The following ATP2C2 variants were observed in gnomAD, a reference collection of about 807,000 sequenced individuals.
The protein encoded by ATP2C2 is ATPase secretory pathway Ca2+ transporting 2, also known as calcium-transporting ATPase type 2C member 2.
A neutral mutation model predicts 110.8 loss-of-function variants in ATP2C2; 171 were observed. The observed-to-expected ratio is 1.54, with a 90% CI of 1.36 to 1.75. The LOEUF (loss-of-function observed/expected upper bound fraction) is 1.75, where lower values mean the gene tolerates loss of function less well. Among genes scored for constraint, ATP2C2 ranks in the 40% most tolerant of loss-of-function variants. ATP2C2 has a pLI of 0.00. For missense variants in ATP2C2, 1,963 were observed against 1,235.0 expected, an observed-to-expected ratio of 1.59 and a Z score of -8.84; for synonymous variants, 804 against 508.4, an observed-to-expected ratio of 1.58 and a Z score of -7.82.
At chr16:84,370,346 T>C (rs1346157312) in intron 1 of ATP2C2, among the ~76,000 whole-genome samples, 1 of 152,200 alleles carries the variant, frequency 6.6e-6, no homozygotes, top group Non-Finnish European at 1.5e-5. Flanking sequence ...ATGGGCAGTG[T>C]GCAGCGCCAG....
intron 11 of ATP2C2, among the ~76,000 whole-genome samples, chr16:84,427,826 G>A (rs562239088): frequency 2.0e-5 from 3 of 152,258 alleles, no homozygotes; most frequent in African/African-American, 4.8e-5. Flanking sequence ...CAGTTATGGG[G>A]TTTCCTTCGG....
At chr16:84,462,333 G>A (rs1213328791) in intron 26 of ATP2C2, 2 of 641,462 alleles carry the variant, frequency 3.1e-6, no homozygotes, top group African/African-American at 1.8e-5. Context: ...AAACCCCTAG[G>A]AAGAGGCCTG....
chr16:84,439,176 G>A lies in ATP2C2; in HGVS notation c.997G>A (p.Ala333Thr), dbSNP rs771241885. The change falls in exon 12 of 27, where the codon GCG (alanine) becomes ACG (threonine). Residue 333 changes from alanine to threonine, a missense_variant. Transcript: ENST00000262429. ...GACCTTTCGATCCAGCCTGGCTGTG[G>A]CGGCCATTCCAGAGGGTCTGCCCAT... ...MFTIGVSLAV[A>T]AIPEGLPIVV... 2 of 1,612,160 alleles carry A rather than the reference G, an allele frequency of 1.2e-6. No individual in the cohort carries two copies. Among genetic ancestry groups the A allele is most frequent in the Admixed American group, 3.3e-5 (2 of 60,010 alleles).
chr16:84,437,589 C>G (rs915063005), intron 11 of ATP2C2, among the ~76,000 whole-genome samples: 6 of 152,160 alleles, frequency 3.9e-5, no homozygotes, highest in Non-Finnish European at 7.3e-5. Flanking sequence ...AGTCTCGGTT[C>G]ACTGCAACCT....
chr16:84,459,564 G>A (rs774071589), intron 23 of ATP2C2, 178 bp downstream of exon 23: 1 of 1,536,952 alleles, frequency 6.5e-7, no homozygotes, highest in Non-Finnish European at 8.7e-7. Context: ...AGAAGGCAGA[G>A]GAGAAAGTAC....
intron 15 of ATP2C2, among the ~76,000 whole-genome samples, chr16:84,445,004 A>T (rs1313917585): frequency 6.6e-6 from 1 of 152,120 alleles, no homozygotes; most frequent in Non-Finnish European, 1.5e-5. Context: ...ATTTAGTGTA[A>T]CCAAAACACA....
Position 84,453,147 on chromosome 16 carries a change from T to A in ATP2C2, c.1841T>A (p.Ile614Asn), listed in dbSNP as rs1408212060. The A allele has an allele frequency of 6.2e-7, 1 of 1,611,622 alleles. No individual in the cohort carries two copies. Among genetic ancestry groups the A allele is most frequent in the Non-Finnish European group, 8.5e-7 (1 of 1,178,792 alleles). ...LETALAIGRN[I>N]GLCNGKLQAM... ...ACAGGTTCTTCTGAAGGAAGAAACATCGGCCTGTGCAACGGGAAGCTGCAA... is the reference window on the plus strand; with the variant it reads ...ACAGGTTCTTCTGAAGGAAGAAACAACGGCCTGTGCAACGGGAAGCTGCAA... The change falls in exon 19 of 27, where the codon ATC (isoleucine) becomes AAC (asparagine). Residue 614 changes from isoleucine (I) to asparagine (N), a missense_variant. By Grantham distance (149) the Ile-to-Asn change is moderately radical (BLOSUM62 -3). Coordinates refer to ENST00000262429, the MANE Select transcript of ATP2C2 (RefSeq NM_014861.4).
chr16:84,448,593 A>T lies in ATP2C2; in HGVS notation c.1564A>T (p.Met522Leu). The T allele has an allele frequency of 6.2e-7, 1 of 1,614,102 alleles. No individual in the cohort carries two copies. Residue 522 changes from methionine (M) to leucine (L), a missense_variant, in exon 17 of 27, where the codon ATG becomes TTG. Transcript: ENST00000262429. ...GGAAGAGGTGATCCGCTACTGCACC[A>T]TGTACAACAACGGGGGCATCCCCCT... ...ALEEVIRYCT[M>L]YNNGGIPLPL...
At chr16:84,438,929 T>C (rs1908985056) in intron 11 of ATP2C2, 1 of 474,332 alleles carries the variant, frequency 2.1e-6, no homozygotes, top group Non-Finnish European at 3.8e-6. Flanking sequence ...CACATTAAGG[T>C]GTGGATGACT....
At chr16:84,408,338 A>C in intron 3 of ATP2C2, 67 bp from the exon 4 acceptor site, 1 of 1,471,036 alleles carries the variant, frequency 6.8e-7, no homozygotes, top group Non-Finnish European at 9.5e-7. Context: ...AAACTTCTGC[A>C]CAGTAAGAAA....
intron 11 of ATP2C2, among the ~76,000 whole-genome samples, chr16:84,438,758 A>C (rs530635047): frequency 6.6e-6 from 1 of 152,200 alleles, no homozygotes; most frequent in African/African-American, 2.4e-5. Context: ...GTGAAATTCA[A>C]GGGACTCACG....
At position 84,396,351 on chromosome 16, in the gene ATP2C2, G is replaced by A. The variant is rs62048823; in HGVS notation, c.100-2148G>A. On this transcript the variant is annotated intron_variant, in intron 1 of 26. Coordinates refer to ENST00000262429, the MANE Select transcript of ATP2C2 (RefSeq NM_014861.4). ...ACCTGAGGTCAGAAATTTGAGACCAGCCTGGCCAACCTGGTGAAAACCCGT... is the reference window on the plus strand; with the variant it reads ...ACCTGAGGTCAGAAATTTGAGACCAACCTGGCCAACCTGGTGAAAACCCGT... Among the ~76,000 whole-genome samples the A allele has an allele frequency of 5.3e-3, 800 of 151,546 alleles. 11 individuals are homozygous for A. Among genetic ancestry groups the A allele is most frequent in the African/African-American group, 0.018 (757 of 40,974 alleles).
rs994591017 is a variant in ATP2C2, at chr16:84,421,995, C to T, written c.625-395C>T. ...GTTGCCTTAGATTCTGACTGAATAA[C>T]CTGGCTCGGTTATTGTGTGGGATTG... On this transcript the variant is annotated intron_variant, in intron 7 of 26. Transcript: ENST00000262429. Among the ~76,000 whole-genome samples the T allele has an allele frequency of 7.2e-5, 11 of 152,216 alleles. No individual in the cohort carries two copies. In the South Asian group the frequency reaches 2.1e-3, roughly 29 times the overall value.
At position 84,442,561 on chromosome 16, in the gene ATP2C2, C is replaced by T. The variant is rs745594249; in HGVS notation, c.1363C>T (p.Gln455Ter). The T allele has an allele frequency of 2.5e-6, 4 of 1,613,996 alleles. No homozygotes were observed. Among genetic ancestry groups the T allele is most frequent in the Non-Finnish European group, 3.4e-6 (4 of 1,179,960 alleles). The change falls in exon 15 of 27, where the codon CAG (glutamine) becomes TAG (stop). Residue 455 changes from glutamine to a stop codon, truncating the protein, a stop_gained. Transcript: ENST00000262429. LOFTEE classifies it high-confidence loss of function. ...CATCAGAAAGAACGCCGTGATGGGG[C>T]AGCCCACCGAGGGTGCATTGATGGC... ...AVIRKNAVMGQPTEGALMALA... is the reference protein window; with the variant it reads ...AVIRKNAVMG
rs565922771 is a variant in ATP2C2 at position 84,453,771 on chromosome 16, C to T, written c.1980+400C>T. ...AGAACTGGGGGACCTTTGCTACATA[C>T]AGTGAAAACTGGGAGCTGTAATTGG... On this transcript the variant is annotated intron_variant, in intron 20 of 26. Transcript: ENST00000262429. Among the ~76,000 whole-genome samples, 12 of 152,166 alleles carry T rather than the reference C, an allele frequency of 7.9e-5. No homozygotes were observed. In the South Asian group the frequency reaches 2.3e-3, roughly 29 times the overall value.
intron 1 of ATP2C2, among the ~76,000 whole-genome samples, chr16:84,372,948 C>T (rs1910040271): frequency 6.6e-6 from 1 of 150,924 alleles, no homozygotes; most frequent in Admixed American, 6.6e-5. Flanking sequence ...TGGTGAAACC[C>T]CTCTCTACTA....
intron 14 of ATP2C2, 26 bp downstream of exon 14, chr16:84,440,984 A>C (rs1909203247): frequency 6.4e-7 from 1 of 1,563,492 alleles, no homozygotes; most frequent in African/African-American, 1.3e-5. Flanking sequence ...GCCATGAGGG[A>C]AATAGGCATT....
intron 10 of ATP2C2, among the ~76,000 whole-genome samples, chr16:84,424,678 G>A (rs925205365): frequency 1.3e-5 from 2 of 151,448 alleles, no homozygotes; most frequent in Non-Finnish European, 2.9e-5. Flanking sequence ...CCAAGGGGCA[G>A]GTGCAGGGAA....
At chr16:84,446,645 C>T (rs1909779345) in intron 16 of ATP2C2, among the ~76,000 whole-genome samples, 1 of 152,136 alleles carries the variant, frequency 6.6e-6, no homozygotes, top group African/African-American at 2.4e-5. Flanking sequence ...AAGCAGGGTC[C>T]CTGGAGTAGC....
Sources: allele counts gnomAD v4.1 joint callset (sites outside exome capture counted in the v4.1 genomes callset), GRCh38; gene constraint gnomAD v4.1.1; transcripts MANE v1.5; gene names NCBI Gene and HGNC (gene_info 2026-07-23, HGNC 2026-07-21).